Variants in SASS6 observed in about 807,000 individuals in gnomAD.
The protein encoded by SASS6 is spindle assembly abnormal protein 6 homolog.
SASS6 carries 59 observed loss-of-function variants against 94.9 expected under a neutral mutation model. The ratio of observed to expected loss-of-function variants is 0.62; its 90% CI spans 0.50 to 0.77. The LOEUF is 0.77. Ranked by LOEUF, SASS6 falls within the 30% of genes least tolerant of loss-of-function variation. The pLI, the probability that SASS6 is intolerant of heterozygous loss-of-function variation, is 0.00. For synonymous variants in SASS6, 264 were observed against 270.0 expected, an observed-to-expected ratio of 0.98 and a Z score of 0.22; for missense variants, 698 against 734.1, an observed-to-expected ratio of 0.95 and a Z score of 0.57.
At chr1:100,115,466 G>A (rs57649192) in intron 7 of SASS6, among the ~76,000 whole-genome samples, 6,293 of 152,148 alleles carry the variant, frequency 0.041, 325 homozygotes, top group African/African-American at 0.12. Context: ...TCCACTGAAC[G>A]AGAAAATGAG....
intron 14 of SASS6, 24 bp from the exon 15 acceptor site, chr1:100,088,260 T>C (rs781497720): frequency 8.8e-7 from 1 of 1,133,102 alleles, no homozygotes; most frequent in Non-Finnish European, 1.3e-6. Context: ...AAACATCTCA[T>C]GTAACTGAGT....
Position 100,122,451 on chromosome 1 carries a change from G to A in SASS6, c.240C>T (p.Phe80=). The A allele has an allele frequency of 6.4e-7, 1 of 1,567,382 alleles. No individual in the cohort carries two copies. Among genetic ancestry groups the A allele is most frequent in the Non-Finnish European group, 8.8e-7 (1 of 1,141,282 alleles). The change falls in exon 4 of 17, where the codon TTC becomes TTT. Residue 80 remains phenylalanine (F), a synonymous_variant. Coordinates refer to ENST00000287482, the MANE Select transcript of SASS6 (RefSeq NM_194292.3). The stretch of plus-strand genomic sequence containing the variant: ...CTATAAATTTTTGTGGGAAAGCTAA[G>A]AAGTCTACCAGAAGACCTTGCTGGA... ...LKFQQGLLVD[F]LAFPQKFIDL...
At chr1:100,095,632 A>G (rs1249043757) in intron 14 of SASS6, among the ~76,000 whole-genome samples, 1 of 152,242 alleles carries the variant, frequency 6.6e-6, no homozygotes, top group Non-Finnish European at 1.5e-5. Context: ...GGAAGCTGTC[A>G]TTATTTTCAG....
intron 7 of SASS6, among the ~76,000 whole-genome samples, chr1:100,112,720 T>C (rs995792604): frequency 2.6e-5 from 4 of 152,220 alleles, no homozygotes; most frequent in South Asian, 4.1e-4. Flanking sequence ...AGTCACAAAA[T>C]TGGCCTAATT....
At chr1:100,113,463 A>C (rs893448506) in intron 7 of SASS6, among the ~76,000 whole-genome samples, 4 of 151,906 alleles carry the variant, frequency 2.6e-5, no homozygotes, top group Non-Finnish European at 5.9e-5. Context: ...AAAAAAAAGT[A>C]CAAAAAAATC....
chr1:100,108,044 A>T, intron 8 of SASS6, 40 bp from the exon 9 acceptor site: 1 of 1,251,832 alleles, frequency 8.0e-7, no homozygotes. Context: ...TTATGAAAAA[A>T]GGAAGCTGCC....
At chr1:100,111,994 T>G (rs1265760875) in intron 7 of SASS6, among the ~76,000 whole-genome samples, 1 of 152,068 alleles carries the variant, frequency 6.6e-6, no homozygotes. Context: ...AAAAAAAAAG[T>G]GTGAGAACTA....
intron 14 of SASS6, among the ~76,000 whole-genome samples, chr1:100,092,827 G>A (rs142000029): frequency 3.0e-3 from 462 of 151,750 alleles, no homozygotes; most frequent in Non-Finnish European, 4.7e-3. Context: ...CACGTGCCTC[G>A]GCCTCCCAAA....
At chr1:100,126,221 C>T (rs1207697636) in intron 1 of SASS6, among the ~76,000 whole-genome samples, 1 of 152,166 alleles carries the variant, frequency 6.6e-6, no homozygotes, top group African/African-American at 2.4e-5. Flanking sequence ...GAGTGCCTAG[C>T]ACTAGCCTGA....
At chr1:100,100,156 C>G (rs1652371902) in intron 14 of SASS6, among the ~76,000 whole-genome samples, 1 of 152,240 alleles carries the variant, frequency 6.6e-6, no homozygotes, top group South Asian at 2.1e-4. Context: ...ATCTCAGCTA[C>G]TCGGGAGGCT....
At chr1:100,124,875 A>G (rs879402258) in intron 2 of SASS6, among the ~76,000 whole-genome samples, 7 of 152,188 alleles carry the variant, frequency 4.6e-5, no homozygotes, top group Admixed American at 3.9e-4. Flanking sequence ...ACAGTTCACA[A>G]TAGGGTTTGC....
intron 6 of SASS6, among the ~76,000 whole-genome samples, chr1:100,119,368 A>G (rs1285382762): frequency 1.3e-5 from 2 of 152,236 alleles, no homozygotes; most frequent in African/African-American, 4.8e-5. Context: ...CTATCTTTTA[A>G]TTAAAGCTTT....
intron 9 of SASS6, 23 bp from the exon 10 acceptor site, chr1:100,107,740 GAATA>G (rs765179280): frequency 2.6e-6 from 4 of 1,552,028 alleles, no homozygotes; most frequent in Non-Finnish European, 2.6e-6. Context: ...TTAAAAACAT[GAATA>G]ATTAGGGCAT....
chr1:100,122,011 G>A (rs1300548921), intron 4 of SASS6, among the ~76,000 whole-genome samples: 31 of 152,054 alleles, frequency 2.0e-4, no homozygotes, highest in Non-Finnish European at 3.2e-4. Flanking sequence ...AACAACAATC[G>A]TCAACTGATA....
chr1:100,127,585 CAG>C (rs1654710049), intron 1 of SASS6, among the ~76,000 whole-genome samples: 1 of 152,144 alleles, frequency 6.6e-6, no homozygotes, highest in Non-Finnish European at 1.5e-5. Context: ...TGGTTTACAC[CAG>C]AGAGAGGAAG....
At chr1:100,099,053 C>T (rs1408944519) in intron 14 of SASS6, among the ~76,000 whole-genome samples, 1 of 152,174 alleles carries the variant, frequency 6.6e-6, no homozygotes, top group Admixed American at 6.5e-5. Flanking sequence ...CCCATACTTA[C>T]ACATTATTTT....
At chr1:100,086,354 G>A (rs1039397950) in intron 15 of SASS6, among the ~76,000 whole-genome samples, 3 of 151,694 alleles carry the variant, frequency 2.0e-5, no homozygotes, top group Non-Finnish European at 2.9e-5. Flanking sequence ...TTTGATACCC[G>A]GTGCCACTTT....
rs771673766 is a variant in SASS6 at position 100,103,064 on chromosome 1, T to TA, written c.1564dup (p.Tyr522LeufsTer41). On this transcript the variant is annotated frameshift_variant, in exon 14 of 17. Coordinates refer to ENST00000287482, the MANE Select transcript of SASS6 (RefSeq NM_194292.3). LOFTEE classifies it high-confidence loss of function. ...AGGATAACCAATCCCACAGGTTGGG[T>TA]AAGTCAGTCTACCATCAACCTAAAA... 3.8e-6 allele frequency: 6 copies of TA among 1,599,692 alleles called. No homozygotes were observed. The highest frequency in any genetic ancestry group is 5.1e-6 in the Non-Finnish European group (6 of 1,167,792).
At chr1:100,091,110 G>C (rs1679592404) in intron 14 of SASS6, among the ~76,000 whole-genome samples, 2 of 152,044 alleles carry the variant, frequency 1.3e-5, no homozygotes, top group African/African-American at 4.8e-5. Context: ...TTTGAGACCA[G>C]CCTGACCAAC....
Sources: gnomAD v4.1 joint callset for allele counts (sites outside exome capture counted in the v4.1 genomes callset) on GRCh38, gnomAD v4.1.1 for gene constraint, MANE v1.5 for transcripts, NCBI Gene and HGNC (gene_info 2026-07-23, HGNC 2026-07-21) for gene names.